MICU2: variants seen among roughly 807,000 people sequenced by gnomAD.
MICU2 encodes the protein calcium uptake protein 2, mitochondrial.
MICU2 carries 64 observed loss-of-function variants against 60.4 expected under a neutral mutation model. The ratio of observed to expected loss-of-function variants is 1.06; its 90% CI spans 0.87 to 1.31. MICU2 has a LOEUF of 1.31. Among genes scored for constraint, MICU2 ranks in the 50% most tolerant of loss-of-function variants. The probability of loss-of-function intolerance (pLI) is 0.00; values close to 1 mark genes in which losing one functional copy is unlikely to be tolerated. For missense variants in MICU2, 569 were observed against 531.0 expected (o/e 1.07, Z -0.70); for synonymous variants, 201 against 175.0 (o/e 1.15, Z -1.17).
intron 2 of MICU2, among the ~76,000 whole-genome samples, chr13:21,544,341 G>T (rs1365508082): frequency 2.0e-5 from 3 of 151,910 alleles, no homozygotes; most frequent in African/African-American, 7.3e-5. Context: ...AAATAAATTA[G>T]TGAGATGATG....
intron 2 of MICU2, among the ~76,000 whole-genome samples, chr13:21,543,448 T>A (rs1364602727): frequency 6.6e-6 from 1 of 152,236 alleles, no homozygotes; most frequent in Middle Eastern, 3.4e-3. Flanking sequence ...CAAAAAACTC[T>A]TAGAATAAAT....
intron 1 of MICU2, 21 bp downstream of exon 1, chr13:21,603,918 C>A: frequency 1.9e-6 from 3 of 1,610,072 alleles, no homozygotes; most frequent in Non-Finnish European, 2.5e-6. Flanking sequence ...CTGGGGCTAG[C>A]AGAAGGAGTT....
Position 21,576,179 on chromosome 13 carries a change from C to T in MICU2, c.211-9235G>A, listed in dbSNP as rs895480602. ...TTCTTACTTTTCACAATGAGATATGCAACAGACTAATATTTTTCAGTGTTA... is the reference window on the plus strand; with the variant it reads ...TTCTTACTTTTCACAATGAGATATGTAACAGACTAATATTTTTCAGTGTTA... On this transcript the variant is annotated intron_variant, in intron 1 of 11. Coordinates refer to ENST00000382374, the MANE Select transcript of MICU2 (RefSeq NM_152726.3). Among the ~76,000 whole-genome samples the T allele has an allele frequency of 5.3e-5, 8 of 152,288 alleles. No individual in the cohort carries two copies. The South Asian group carries it at 1.7e-3, about 32-fold the overall frequency.
chr13:21,534,749 G>C (rs1374602413), intron 4 of MICU2, among the ~76,000 whole-genome samples: 1 of 151,946 alleles, frequency 6.6e-6, no homozygotes, highest in East Asian at 1.9e-4. Context: ...CAAGCAACTG[G>C]GGATATAAAA....
chr13:21,493,233 A>G lies in MICU2; in HGVS notation c.*16T>C. On this transcript the variant is annotated 3_prime_UTR_variant, in exon 12 of 12. Transcript: ENST00000382374. ...ACATTTGGAACAATATAATTGCCAT[A>G]CTATTATATCTTTTATTAAAAAAGA... 1.3e-6 allele frequency: 2 copies of G among 1,502,830 alleles called. No homozygotes were observed. Among genetic ancestry groups the G allele is most frequent in the Non-Finnish European group, 1.8e-6 (2 of 1,099,768 alleles). The allele number at this position is 1,502,830 out of a possible 1,614,324, so 93.1% of individuals were successfully genotyped here.
At chr13:21,575,980 A>C (rs1227256954) in intron 1 of MICU2, among the ~76,000 whole-genome samples, 1 of 152,172 alleles carries the variant, frequency 6.6e-6, no homozygotes, top group Non-Finnish European at 1.5e-5. Context: ...ACCATCTTAC[A>C]GAGATAAAAT....
chr13:21,588,452 C>T (rs958648008), intron 1 of MICU2, among the ~76,000 whole-genome samples: 28 of 152,174 alleles, frequency 1.8e-4, no homozygotes, highest in Admixed American at 6.5e-5. Context: ...CTGCTATATC[C>T]CGAAGTCCAG....
chr13:21,528,949 G>A (rs370768919), intron 4 of MICU2, among the ~76,000 whole-genome samples: 2 of 152,202 alleles, frequency 1.3e-5, no homozygotes, highest in African/African-American at 2.4e-5. Flanking sequence ...AAAGGGAAGA[G>A]CGTGTGCAAA....
At chr13:21,514,486 G>A (rs1016960365) in intron 6 of MICU2, 68 bp from the exon 7 acceptor site, 152 of 1,083,020 alleles carry the variant, frequency 1.4e-4, no homozygotes, top group Non-Finnish European at 2.0e-4. Context: ...CTAAAAAATA[G>A]ATGCCAACTT....
chr13:21,567,042 ACAATCCC>A, intron 1 of MICU2, 98 bp from the exon 2 acceptor site: 1 of 992,260 alleles, frequency 1.0e-6, no homozygotes, highest in Non-Finnish European at 1.4e-6. Flanking sequence ...CTTGGATCTG[ACAATCCC>A]CAAACTTTTA....
chr13:21,562,282 G>A (rs113065572), intron 2 of MICU2, among the ~76,000 whole-genome samples: 3,430 of 152,120 alleles, frequency 0.023, 135 homozygotes, highest in African/African-American at 0.079. Context: ...CTGAGGAGTC[G>A]CCACACTGAC....
chr13:21,539,848 G>A (rs1053257524), intron 2 of MICU2, among the ~76,000 whole-genome samples, 160 bp from the exon 3 acceptor site: 2 of 152,184 alleles, frequency 1.3e-5, no homozygotes, highest in Admixed American at 1.3e-4. Context: ...CCATAATCAT[G>A]AGTCAGAGAA....
intron 1 of MICU2, among the ~76,000 whole-genome samples, chr13:21,570,160 C>T (rs1020449209): frequency 6.6e-6 from 1 of 152,112 alleles, no homozygotes; most frequent in Non-Finnish European, 1.5e-5. Flanking sequence ...AAGTAGGATG[C>T]ACTGAATGTG....
chr13:21,493,182 G>T lies in MICU2; in HGVS notation c.*67C>A, dbSNP rs1240988870. ...GAAGACTTAAGAAGATAAATAGCAA[G>T]TACTTCTAAAAAATCACAAATTTTG... is the stretch of plus-strand genomic sequence containing the variant. On this transcript the variant is annotated 3_prime_UTR_variant, in exon 12 of 12. Transcript: ENST00000382374. 16 of 972,882 alleles carry T rather than the reference G, an allele frequency of 1.6e-5. No individual in the cohort carries two copies. Among genetic ancestry groups the T allele is most frequent in the Non-Finnish European group, 2.4e-5 (16 of 660,592 alleles). 60.3% of individuals were successfully genotyped at this position (972,882 alleles called of 1,614,324 possible).
chr13:21,545,672 TAA>T (rs1310960088), intron 2 of MICU2, among the ~76,000 whole-genome samples: 6 of 133,664 alleles, frequency 4.5e-5, no homozygotes, highest in Admixed American at 7.5e-5. Flanking sequence ...AAACTCCATC[TAA>T]AAAAAAAAAA....
intron 8 of MICU2, 59 bp downstream of exon 8, chr13:21,509,945 T>C: frequency 2.1e-6 from 2 of 940,204 alleles, no homozygotes. Context: ...ATATATTCTG[T>C]TTCTCTTTAT....
Position 21,514,188 on chromosome 13 carries a change from C to A in MICU2, c.663+165G>T, listed in dbSNP as rs12864834. On this transcript the variant is annotated intron_variant, in intron 7 of 11. Coordinates refer to ENST00000382374, the MANE Select transcript of MICU2 (RefSeq NM_152726.3). Reference sequence around the variant, plus strand: ...GTATAGCCTATTGTTCAGACCACCACGTATATGCAGTCTGTTGTTGACTGA... The same window carrying A: ...GTATAGCCTATTGTTCAGACCACCAAGTATATGCAGTCTGTTGTTGACTGA... Among the ~76,000 whole-genome samples the A allele has an allele frequency of 7.9e-5, 12 of 152,262 alleles. No homozygotes were observed. In the East Asian group the frequency reaches 1.2e-3, roughly 15 times the overall value.
At chr13:21,593,777 G>A (rs1888637076) in intron 1 of MICU2, among the ~76,000 whole-genome samples, 1 of 152,066 alleles carries the variant, frequency 6.6e-6, no homozygotes, top group African/African-American at 2.4e-5. Flanking sequence ...AACAAGCAAT[G>A]GGGAAAGGAT....
At chr13:21,583,975 G>T (rs549878322) in intron 1 of MICU2, among the ~76,000 whole-genome samples, 1 of 152,264 alleles carries the variant, frequency 6.6e-6, no homozygotes, top group Admixed American at 6.5e-5. Context: ...TAAGAAAAAT[G>T]ACATAATTTC....
Sources: allele counts gnomAD v4.1 joint callset (sites outside exome capture counted in the v4.1 genomes callset), GRCh38; gene constraint gnomAD v4.1.1; transcripts MANE v1.5; gene names NCBI Gene and HGNC (gene_info 2026-07-23, HGNC 2026-07-21).